ATAD1: variants seen among roughly 807,000 people sequenced by gnomAD.
ATAD1 encodes ATPase family AAA domain containing 1, also known as outer mitochondrial transmembrane helix translocase.
Under a neutral mutation model 42.7 loss-of-function variants are expected in ATAD1, and 18 were observed. That is an observed-to-expected ratio of 0.42 (90% CI 0.29 to 0.63). ATAD1 has a LOEUF of 0.63. Among genes scored for constraint, ATAD1 ranks in the 20% least tolerant of loss-of-function variants. ATAD1 has a pLI of 0.19. For missense variants in ATAD1, 294 were observed against 440.4 expected (o/e 0.67, Z 2.98); for synonymous variants, 132 against 143.1 (o/e 0.92, Z 0.55).
chr10:87,826,114 T>C (rs1479198933), intron 1 of ATAD1, among the ~76,000 whole-genome samples: 1 of 151,982 alleles, frequency 6.6e-6, no homozygotes, highest in African/African-American at 2.4e-5. Context: ...ATCTCCCATC[T>C]TCCCCTTTTA....
At chr10:87,815,462 T>C (rs1031041794) in intron 1 of ATAD1, among the ~76,000 whole-genome samples, 2 of 151,996 alleles carry the variant, frequency 1.3e-5, no homozygotes, top group African/African-American at 2.4e-5. Context: ...CTTCAAATAC[T>C]GCCATTATAC....
chr10:87,783,380 A>C (rs183751388), intron 5 of ATAD1, among the ~76,000 whole-genome samples: 1 of 151,116 alleles, frequency 6.6e-6, no homozygotes, highest in Non-Finnish European at 1.5e-5. Flanking sequence ...TTAAAAAAAA[A>C]CAAAAACAAA....
intron 2 of ATAD1, among the ~76,000 whole-genome samples, chr10:87,806,720 T>C (rs11202565): frequency 6.6e-6 from 1 of 151,904 alleles, no homozygotes; most frequent in Non-Finnish European, 1.5e-5. Context: ...TCTGGCATAA[T>C]AATTATTTTG....
At chr10:87,839,962 G>A (rs973075028) in intron 1 of ATAD1, among the ~76,000 whole-genome samples, 11 of 152,270 alleles carry the variant, frequency 7.2e-5, no homozygotes, top group African/African-American at 2.6e-4. Context: ...AGCCCTGCCA[G>A]TGGTGGCCAG....
chr10:87,780,774 G>C (rs889792332), intron 5 of ATAD1, among the ~76,000 whole-genome samples: 2 of 152,148 alleles, frequency 1.3e-5, no homozygotes, highest in Non-Finnish European at 2.9e-5. Flanking sequence ...AGCATCAAAA[G>C]GTTCTGCTTT....
intron 1 of ATAD1, chr10:87,817,774 G>A: frequency 2.0e-6 from 2 of 985,462 alleles, no homozygotes; most frequent in Non-Finnish European, 2.4e-6. Context: ...GGTGGTGGCC[G>A]CGCCTGTGCG....
At chr10:87,818,031 C>A in intron 1 of ATAD1, 136 bp downstream of exon 1, 1 of 985,704 alleles carries the variant, frequency 1.0e-6, no homozygotes, top group Non-Finnish European at 1.2e-6. Context: ...CGCTTGGGGG[C>A]GGCACTGAGG....
intron 6 of ATAD1, among the ~76,000 whole-genome samples, chr10:87,774,022 T>G (rs1855173415): frequency 6.6e-6 from 1 of 152,226 alleles, no homozygotes; most frequent in African/African-American, 2.4e-5. Flanking sequence ...CTTGAACCAT[T>G]CAACAAAAGC....
At chr10:87,801,393 C>T (rs559654709) in intron 2 of ATAD1, among the ~76,000 whole-genome samples, 1 of 151,920 alleles carries the variant, frequency 6.6e-6, no homozygotes, top group East Asian at 1.9e-4. Flanking sequence ...CAAAAAATGA[C>T]ATAATTTGGC....
intron 2 of ATAD1, among the ~76,000 whole-genome samples, chr10:87,796,716 A>G (rs1856406408): frequency 6.6e-6 from 1 of 152,138 alleles, no homozygotes; most frequent in Non-Finnish European, 1.5e-5. Context: ...CCATGAAGGG[A>G]TTCTGAGTGG....
intron 2 of ATAD1, among the ~76,000 whole-genome samples, chr10:87,799,775 A>G (rs946667252): frequency 7.0e-6 from 1 of 141,876 alleles, no homozygotes; most frequent in Non-Finnish European, 1.6e-5. Flanking sequence ...AATATATTGT[A>G]GAAAAATATT....
At position 87,752,267 on chromosome 10, in the gene ATAD1, G is replaced by A. The variant is rs1854048361; in HGVS notation, c.*2420C>T. ...AGCAATGATGCTTTTAGAGAAACAT[G>A]GCATAAATGATCCTTTCAGTCTCAA... is the stretch of plus-strand genomic sequence containing the variant. On this transcript the variant is annotated 3_prime_UTR_variant, in exon 10 of 10. Transcript: ENST00000680024. 6.6e-6 allele frequency: 1 copy of A among 152,254 alleles called. No homozygotes were observed. Among genetic ancestry groups the A allele is most frequent in the Admixed American group, 6.5e-5 (1 of 15,288 alleles). The allele number at this position is 152,254 out of a possible 1,614,324, so 9.4% of individuals were successfully genotyped here. A position where few individuals can be genotyped will look rare whatever the true frequency, so the allele number is the denominator to read the frequency against.
At chr10:87,772,056 A>T (rs553483489) in intron 6 of ATAD1, among the ~76,000 whole-genome samples, 75 of 152,344 alleles carry the variant, frequency 4.9e-4, no homozygotes, top group Non-Finnish European at 9.1e-4. Context: ...CTTTCAATTA[A>T]CTGTGAGAGT....
At chr10:87,824,189 A>G (rs571067367) in intron 1 of ATAD1, among the ~76,000 whole-genome samples, 6 of 152,268 alleles carry the variant, frequency 3.9e-5, no homozygotes, top group African/African-American at 1.2e-4. Flanking sequence ...TGCCTAGGAC[A>G]TAGGAGAGGT....
At chr10:87,812,333 G>A (rs986279659) in intron 2 of ATAD1, among the ~76,000 whole-genome samples, 6 of 152,122 alleles carry the variant, frequency 3.9e-5, no homozygotes, top group African/African-American at 1.4e-4. Flanking sequence ...CTGGAGTGCA[G>A]GGGTGTGATC....
At chr10:87,820,116 A>AC (rs566003298), upstream of ATAD1, among the ~76,000 whole-genome samples, 160 of 152,280 alleles carry the variant, frequency 1.1e-3, no homozygotes, top group African/African-American at 3.7e-3. Flanking sequence ...AACAACAACA[A>AC]AAAACAGAGG....
chr10:87,796,775 A>G (rs1400570288), intron 2 of ATAD1, among the ~76,000 whole-genome samples: 1 of 152,258 alleles, frequency 6.6e-6, no homozygotes, highest in Non-Finnish European at 1.5e-5. Flanking sequence ...TGACACCAGC[A>G]TGAGCTAACT....
Position 87,809,848 on chromosome 10 carries a change from G to A in ATAD1, c.162+4590C>T, listed in dbSNP as rs983363452. ...TTTAGTAGAGACAGGGTTTCACAAT[G>A]TTGGCCAGGCTGGTCTCAAACTCCT... On this transcript the variant is annotated intron_variant, in intron 2 of 9. Coordinates refer to ENST00000680024, the MANE Select transcript of ATAD1 (RefSeq NM_001321967.2). 4.0e-5 allele frequency among the ~76,000 whole-genome samples: 6 copies of A among 151,896 alleles called. No individual in the cohort carries two copies. The South Asian group carries it at 1.0e-3, about 26-fold the overall frequency.
chr10:87,802,175 T>G (rs762484497), intron 2 of ATAD1, among the ~76,000 whole-genome samples: 19 of 152,188 alleles, frequency 1.2e-4, no homozygotes. Context: ...CAGGACACAA[T>G]TGGAGAAACT....
Sources: gnomAD v4.1 joint callset for allele counts (sites outside exome capture counted in the v4.1 genomes callset) on GRCh38, gnomAD v4.1.1 for gene constraint, MANE v1.5 for transcripts, NCBI Gene and HGNC (gene_info 2026-07-23, HGNC 2026-07-21) for gene names.